MAGI1: variants seen among roughly 807,000 people sequenced by gnomAD.
The protein encoded by MAGI1 is membrane-associated guanylate kinase, WW and PDZ domain-containing protein 1.
A neutral mutation model predicts 139.9 loss-of-function variants in MAGI1; 58 were observed. That is an observed-to-expected ratio of 0.41 (90% CI 0.34 to 0.52). The LOEUF is 0.52. MAGI1 is among the 20% of genes least tolerant of loss of function. MAGI1 has a pLI of 0.12. For missense variants in MAGI1, 1,874 were observed against 1,901.6 expected (o/e 0.99, Z 0.27); for synonymous variants, 812 against 737.9 (o/e 1.10, Z -1.63).
intron 16 of MAGI1, among the ~76,000 whole-genome samples, chr3:65,381,549 T>C (rs766418362): frequency 1.1e-4 from 17 of 152,314 alleles, no homozygotes; most frequent in Admixed American, 2.0e-4. Context: ...CTGACTTTCA[T>C]AATGACCTCA....
intron 1 of MAGI1, among the ~76,000 whole-genome samples, chr3:65,689,639 C>T (rs959372845): frequency 1.8e-4 from 27 of 152,164 alleles, no homozygotes; most frequent in Non-Finnish European, 3.4e-4. Flanking sequence ...ACAGTTACAT[C>T]GTCTGGAATA....
intron 1 of MAGI1, among the ~76,000 whole-genome samples, chr3:65,988,398 TG>T (rs1362652142): frequency 7.2e-5 from 11 of 152,150 alleles, no homozygotes; most frequent in African/African-American, 2.7e-4. Context: ...AGTGGCAGAT[TG>T]GGAGGGTGGA....
chr3:65,999,685 AG>A (rs2066637640), intron 1 of MAGI1, among the ~76,000 whole-genome samples: 1 of 151,942 alleles, frequency 6.6e-6, no homozygotes, highest in Non-Finnish European at 1.5e-5. Flanking sequence ...CTGATTGCTA[AG>A]TTCCCTTTTA....
chr3:65,586,238 C>T lies in MAGI1; in HGVS notation c.430+35734G>A, dbSNP rs557082741. On this transcript the variant is annotated intron_variant, in intron 2 of 22. Coordinates refer to ENST00000402939, the MANE Select transcript of MAGI1 (RefSeq NM_001033057.2). ...AAAAAAAGCAACAACAGGGATGAAG[C>T]TTAAGTCCATTTTATTAAGTGAGAA... Among the ~76,000 whole-genome samples the T allele has an allele frequency of 1.2e-3, 175 of 151,208 alleles. 1 individual carries two copies. The highest frequency in any genetic ancestry group is 6.9e-3 in the Middle Eastern group (2 of 290).
chr3:65,620,289 A>C (rs994584266), intron 2 of MAGI1, among the ~76,000 whole-genome samples: 12 of 152,176 alleles, frequency 7.9e-5, no homozygotes, highest in Non-Finnish European at 1.6e-4. Flanking sequence ...GCTACAGGGC[A>C]CCTATGAAAA....
intron 1 of MAGI1, among the ~76,000 whole-genome samples, chr3:65,846,986 A>AAAAAACAAAC (rs1319131446): frequency 6.6e-6 from 1 of 151,004 alleles, no homozygotes; most frequent in Non-Finnish European, 1.5e-5. Context: ...CAAAAAAAAA[A>AAAAAACAAAC]AAAAAAAAAA....
intron 1 of MAGI1, among the ~76,000 whole-genome samples, chr3:65,800,835 TC>T (rs2040469744): frequency 1.3e-5 from 2 of 152,236 alleles, no homozygotes; most frequent in Non-Finnish European, 2.9e-5. Flanking sequence ...TTAGAGTGAA[TC>T]TATTTGTCAC....
chr3:66,019,014 A>C (rs1444098188), intron 1 of MAGI1, among the ~76,000 whole-genome samples: 1 of 151,978 alleles, frequency 6.6e-6, no homozygotes, highest in African/African-American at 2.4e-5. Flanking sequence ...TCATTCATTC[A>C]CTCATTCATT....
In MAGI1 at chr3:65,489,886, C is replaced by A. The variant is rs377527364; in HGVS notation, c.550+3626G>T. On this transcript the variant is annotated intron_variant, in intron 3 of 22. Coordinates refer to ENST00000402939, the MANE Select transcript of MAGI1 (RefSeq NM_001033057.2). ...GCTGTAGGAACTATTCCATCATGTA[C>A]ACTTATTACTGTTACTTAAACATTT... 5.9e-5 allele frequency among the ~76,000 whole-genome samples: 9 copies of A among 152,156 alleles called. No individual in the cohort carries two copies. In the East Asian group the frequency reaches 1.3e-3, roughly 23 times the overall value.
At chr3:65,652,055 T>C (rs2085615121) in intron 1 of MAGI1, among the ~76,000 whole-genome samples, 1 of 152,192 alleles carries the variant, frequency 6.6e-6, no homozygotes, top group African/African-American at 2.4e-5. Flanking sequence ...TCAACAATTA[T>C]TTATATACAT....
chr3:65,784,817 G>A (rs1241539905), intron 1 of MAGI1, among the ~76,000 whole-genome samples: 1 of 152,208 alleles, frequency 6.6e-6, no homozygotes, highest in Non-Finnish European at 1.5e-5. Flanking sequence ...GCTACAACAT[G>A]GATGAATCCT....
At chr3:65,710,270 T>A (rs2031169706) in intron 1 of MAGI1, among the ~76,000 whole-genome samples, 3 of 52,992 alleles carry the variant, frequency 5.7e-5, no homozygotes, top group South Asian at 3.7e-4. Context: ...CTTACATTTC[T>A]TTTTTTTTTT....
chr3:66,037,403 G>C (rs1391874367), intron 1 of MAGI1, among the ~76,000 whole-genome samples: 2 of 152,082 alleles, frequency 1.3e-5, no homozygotes, highest in Non-Finnish European at 2.9e-5. Context: ...CAAGTGTATG[G>C]CTGAGCCACA....
At chr3:65,371,329 A>C (rs994293863) in intron 18 of MAGI1, among the ~76,000 whole-genome samples, 23 of 152,254 alleles carry the variant, frequency 1.5e-4, no homozygotes, top group African/African-American at 4.8e-4. Context: ...TTCCCAGTGC[A>C]TATAAAATTC....
intron 1 of MAGI1, among the ~76,000 whole-genome samples, chr3:65,727,823 A>C (rs1054004182): frequency 1.3e-5 from 2 of 152,228 alleles, no homozygotes; most frequent in African/African-American, 4.8e-5. Flanking sequence ...CTATTTTCAC[A>C]GAGGCAGACA....
At chr3:65,971,030 C>T (rs894037278) in intron 1 of MAGI1, among the ~76,000 whole-genome samples, 4 of 152,100 alleles carry the variant, frequency 2.6e-5, no homozygotes, top group Non-Finnish European at 5.9e-5. Flanking sequence ...TGGTGAAACC[C>T]CATCTCTACT....
intron 1 of MAGI1, among the ~76,000 whole-genome samples, chr3:65,646,862 G>T (rs188764438): frequency 1.1e-4 from 16 of 151,782 alleles, no homozygotes; most frequent in Non-Finnish European, 2.1e-4. Flanking sequence ...AAAAAACAAC[G>T]TGTCAAAATT....
At chr3:65,691,307 A>AAAAAAAAAAAAG (rs1388046202) in intron 1 of MAGI1, among the ~76,000 whole-genome samples, 1 of 133,658 alleles carries the variant, frequency 7.5e-6, no homozygotes, top group South Asian at 2.2e-4. Context: ...CGTCTCAAAA[A>AAAAAAAAAAAAG]AAAAAAAAGA....
chr3:65,849,725 G>A (rs2059141500), intron 1 of MAGI1, among the ~76,000 whole-genome samples: 1 of 152,032 alleles, frequency 6.6e-6, no homozygotes, highest in Non-Finnish European at 1.5e-5. Flanking sequence ...CTGCTGTTAA[G>A]AAACAAGTAT....
Sources: gnomAD v4.1 joint callset for allele counts (sites outside exome capture counted in the v4.1 genomes callset) on GRCh38, gnomAD v4.1.1 for gene constraint, MANE v1.5 for transcripts, NCBI Gene and HGNC (gene_info 2026-07-23, HGNC 2026-07-21) for gene names.